The following PLCB4 variants were observed in gnomAD, a reference collection of about 807,000 sequenced individuals.
The protein encoded by PLCB4 is phospholipase C beta 4, also known as 1-phosphatidylinositol 4,5-bisphosphate phosphodiesterase beta-4.
PLCB4 carries 77 observed loss-of-function variants against 178.8 expected under a neutral mutation model. The ratio of observed to expected loss-of-function variants is 0.43; its 90% CI spans 0.36 to 0.52. The LOEUF is 0.52. PLCB4 is among the 20% of genes least tolerant of loss of function. The pLI is 0.00. For synonymous variants in PLCB4, 496 were observed against 490.8 expected (o/e 1.01, Z -0.14); for missense variants, 1,024 against 1,453.4 (o/e 0.70, Z 4.80).
intron 6 of PLCB4, among the ~76,000 whole-genome samples, chr20:9,338,621 G>A (rs1006898489): frequency 9.9e-5 from 15 of 152,114 alleles, no homozygotes; most frequent in Non-Finnish European, 1.6e-4. Context: ...ATGTTGCAGT[G>A]AGCTGAGAAT....
At chr20:9,420,934 C>T (rs555974502) in intron 26 of PLCB4, among the ~76,000 whole-genome samples, 3 of 152,284 alleles carry the variant, frequency 2.0e-5, no homozygotes, top group African/African-American at 7.2e-5. Context: ...GATGGAATTT[C>T]AGAGCTATGA....
chr20:9,354,289 A>C (rs1329436213), intron 7 of PLCB4, among the ~76,000 whole-genome samples: 2 of 152,256 alleles, frequency 1.3e-5, no homozygotes, highest in Non-Finnish European at 2.9e-5. Context: ...GAAAAATTTG[A>C]ATCAAAGCTT....
At chr20:9,434,061 A>G (rs2041603280) in intron 28 of PLCB4, among the ~76,000 whole-genome samples, 1 of 152,236 alleles carries the variant, frequency 6.6e-6, no homozygotes, top group South Asian at 2.1e-4. Context: ...AACTGGAAGG[A>G]CAAGCTGTCT....
chr20:9,295,053 T>C, intron 3 of PLCB4, among the ~76,000 whole-genome samples: 1 of 152,158 alleles, frequency 6.6e-6, no homozygotes, highest in East Asian at 1.9e-4. Context: ...TTTTAAAGAC[T>C]AGGGTCCTCT....
chr20:9,226,553 C>A (rs1378985381), intron 3 of PLCB4, among the ~76,000 whole-genome samples: 2 of 152,148 alleles, frequency 1.3e-5, no homozygotes, highest in African/African-American at 4.8e-5. Flanking sequence ...TTACCTTTTT[C>A]ATTGGTTTTG....
intron 12 of PLCB4, among the ~76,000 whole-genome samples, chr20:9,376,357 A>C (rs998612178): frequency 3.3e-5 from 5 of 152,124 alleles, no homozygotes; most frequent in Non-Finnish European, 7.4e-5. Context: ...TCCTCCTTGG[A>C]ATGTTTAGTG....
At chr20:9,072,723 G>C (rs2089632937) in intron 1 of PLCB4, among the ~76,000 whole-genome samples, 1 of 152,156 alleles carries the variant, frequency 6.6e-6, no homozygotes, top group South Asian at 2.1e-4. Flanking sequence ...GCTTTTTTAT[G>C]CTGAAGGCGT....
intron 38 of PLCB4, among the ~76,000 whole-genome samples, chr20:9,475,227 G>A (rs184856596): frequency 1.3e-5 from 2 of 152,230 alleles, no homozygotes; most frequent in Non-Finnish European, 2.9e-5. Flanking sequence ...ACTAAAGAAT[G>A]TAAATGTGCT....
chr20:9,273,049 G>C (rs2094419747), intron 3 of PLCB4, among the ~76,000 whole-genome samples: 1 of 152,098 alleles, frequency 6.6e-6, no homozygotes, highest in Non-Finnish European at 1.5e-5. Context: ...AGGAATGGGG[G>C]CATTATTGGT....
rs573219296 is a variant in PLCB4 at position 9,407,669 on chromosome 20, T to C, written c.1648-248T>C. On this transcript the variant is annotated intron_variant, in intron 21 of 39. Transcript: ENST00000378473. ...CCAGTAATTTCTTGAATAAAGTCCC[T>C]TAAAAATCTAAAAATGTCCTACAAA... 4.1e-4 allele frequency among the ~76,000 whole-genome samples: 63 copies of C among 152,348 alleles called. 1 individual carries two copies. In the South Asian group the frequency reaches 0.013, roughly 32 times the overall value.
chr20:9,449,850 C>T (rs552583094), intron 32 of PLCB4, among the ~76,000 whole-genome samples: 1 of 152,122 alleles, frequency 6.6e-6, no homozygotes, highest in East Asian at 1.9e-4. Context: ...AGTACCAGAC[C>T]TATAACTTAG....
chr20:9,200,571 A>G (rs1166441269), intron 2 of PLCB4, among the ~76,000 whole-genome samples: 2 of 152,106 alleles, frequency 1.3e-5, no homozygotes, highest in Admixed American at 1.3e-4. Flanking sequence ...AGATCCAATC[A>G]TTGTCTTTTT....
At chr20:9,387,702 G>A (rs919278698) in intron 15 of PLCB4, 146 bp downstream of exon 15, 3 of 503,758 alleles carry the variant, frequency 6.0e-6, no homozygotes, top group Non-Finnish European at 1.0e-5. Context: ...AAAAAGTCAA[G>A]ACAAAGATCT....
At chr20:9,080,152 T>G (rs6056388) in intron 1 of PLCB4, among the ~76,000 whole-genome samples, 94,858 of 151,998 alleles carry the variant, frequency 0.62, 29,719 homozygotes, top group South Asian at 0.72. Context: ...TCACTGAGTA[T>G]AAATGAACAA....
chr20:9,122,359 A>G (rs1399795757), intron 2 of PLCB4, among the ~76,000 whole-genome samples: 2 of 151,686 alleles, frequency 1.3e-5, no homozygotes, highest in African/African-American at 2.4e-5. Context: ...TTTTTCTGTT[A>G]ACATTATATT....
chr20:9,118,228 C>T (rs536653223), intron 2 of PLCB4, among the ~76,000 whole-genome samples: 2 of 114,362 alleles, frequency 1.7e-5, no homozygotes, highest in Non-Finnish European at 1.7e-5. Context: ...CCCCTCCCCC[C>T]ACCCCACCAC....
At chr20:9,286,033 C>T (rs1390578106) in intron 3 of PLCB4, among the ~76,000 whole-genome samples, 4 of 152,002 alleles carry the variant, frequency 2.6e-5, no homozygotes, top group African/African-American at 9.7e-5. Flanking sequence ...TTCAGCTTCA[C>T]AGTAATTGGT....
intron 2 of PLCB4, among the ~76,000 whole-genome samples, chr20:9,175,413 C>T (rs2093138072): frequency 1.3e-5 from 2 of 152,134 alleles, no homozygotes; most frequent in South Asian, 4.1e-4. Flanking sequence ...AAACAGTGCA[C>T]TAAAGATTCT....
chr20:9,266,462 C>A (rs1014472007), intron 3 of PLCB4, among the ~76,000 whole-genome samples: 3 of 152,172 alleles, frequency 2.0e-5, no homozygotes, highest in African/African-American at 7.2e-5. Context: ...CGTCTGAAAT[C>A]AAATCCAGTA....
Sources: allele counts gnomAD v4.1 joint callset (sites outside exome capture counted in the v4.1 genomes callset), GRCh38; gene constraint gnomAD v4.1.1; transcripts MANE v1.5; gene names NCBI Gene and HGNC (gene_info 2026-07-23, HGNC 2026-07-21).